ZNF385D: variants seen among roughly 807,000 people sequenced by gnomAD.
The protein encoded by ZNF385D is zinc finger protein 385D, also known as zinc finger protein 659.
In ZNF385D, 15 loss-of-function variants were observed where a neutral mutation model predicts 35.8. The ratio of observed to expected loss-of-function variants is 0.42; its 90% confidence interval spans 0.28 to 0.64. The LOEUF is 0.64. Ranked by LOEUF, ZNF385D falls within the 30% of genes least tolerant of loss-of-function variation. The pLI, the probability that ZNF385D is intolerant of heterozygous loss-of-function variation, is 0.23. For missense variants in ZNF385D, 474 were observed against 494.6 expected, an observed-to-expected ratio of 0.96 and a Z score of 0.39; for synonymous variants, 212 against 186.8, an observed-to-expected ratio of 1.13 and a Z score of -1.10.
At chr3:21,916,713 G>C (rs1467819548) in intron 3 of ZNF385D, among the ~76,000 whole-genome samples, 1 of 152,090 alleles carries the variant, frequency 6.6e-6, no homozygotes, top group African/African-American at 2.4e-5. Context: ...TTTGGAAAAG[G>C]TCTGCCACAA....
At chr3:21,730,636 T>C (rs1187380440) in intron 1 of ZNF385D, among the ~76,000 whole-genome samples, 1 of 152,214 alleles carries the variant, frequency 6.6e-6, no homozygotes, top group Non-Finnish European at 1.5e-5. Context: ...CTGCACAAAA[T>C]GATGTAAAAG....
intron 2 of ZNF385D, among the ~76,000 whole-genome samples, chr3:22,367,481 G>C (rs569669706): frequency 3.9e-5 from 6 of 152,168 alleles, no homozygotes; most frequent in African/African-American, 1.2e-4. Context: ...CTGATAACTC[G>C]GTCCAGTACA....
chr3:21,694,268 C>CTCA (rs1253000134), intron 1 of ZNF385D, among the ~76,000 whole-genome samples: 1 of 151,906 alleles, frequency 6.6e-6, no homozygotes, highest in Non-Finnish European at 1.5e-5. Flanking sequence ...TGGTCTTGAC[C>CTCA]TCATGATCCA....
At chr3:21,880,405 G>T (rs779032) in intron 3 of ZNF385D, among the ~76,000 whole-genome samples, 3 of 151,822 alleles carry the variant, frequency 2.0e-5, no homozygotes, top group Non-Finnish European at 2.9e-5. Flanking sequence ...TTCTTTCACT[G>T]TATCTGTCAT....
chr3:22,186,797 C>T (rs1430728792), intron 2 of ZNF385D, among the ~76,000 whole-genome samples: 7 of 151,846 alleles, frequency 4.6e-5, no homozygotes, highest in Non-Finnish European at 8.8e-5. Flanking sequence ...GCACCAATAC[C>T]GTATTTGAGA....
chr3:22,144,071 A>G (rs954484128), intron 3 of ZNF385D, among the ~76,000 whole-genome samples: 1 of 152,182 alleles, frequency 6.6e-6, no homozygotes, highest in African/African-American at 2.4e-5. Context: ...GGATATTTGT[A>G]TAATGTTTTA....
intron 3 of ZNF385D, among the ~76,000 whole-genome samples, chr3:21,891,865 G>C (rs1171322078): frequency 6.6e-6 from 1 of 152,020 alleles, no homozygotes; most frequent in Non-Finnish European, 1.5e-5. Context: ...ATAATCCATA[G>C]GATTTTCTGT....
At chr3:22,050,799 C>A (rs1409679975) in intron 3 of ZNF385D, among the ~76,000 whole-genome samples, 3 of 152,112 alleles carry the variant, frequency 2.0e-5, no homozygotes, top group Admixed American at 6.6e-5. Context: ...ACTAAACAAT[C>A]AAAAATAACG....
At chr3:21,923,712 T>C (rs776995333) in intron 3 of ZNF385D, among the ~76,000 whole-genome samples, 3 of 152,124 alleles carry the variant, frequency 2.0e-5, no homozygotes, top group Non-Finnish European at 2.9e-5. Flanking sequence ...TGCAGCAACA[T>C]GGATGCAGTT....
At chr3:21,775,870 CTCT>C (rs1488006832) in intron 3 of ZNF385D, among the ~76,000 whole-genome samples, 2 of 151,410 alleles carry the variant, frequency 1.3e-5, no homozygotes, top group African/African-American at 2.4e-5. Flanking sequence ...TTAAGACATG[CTCT>C]TTTTTAAATA....
chr3:21,475,928 A>T (rs113244980), intron 4 of ZNF385D, among the ~76,000 whole-genome samples: 1 of 150,446 alleles, frequency 6.6e-6, no homozygotes, highest in Non-Finnish European at 1.5e-5. Context: ...CATCCTTTAG[A>T]TATAGCTTTT....
intron 2 of ZNF385D, among the ~76,000 whole-genome samples, chr3:22,321,016 C>T (rs1694389682): frequency 6.6e-6 from 1 of 151,726 alleles, no homozygotes; most frequent in Admixed American, 6.6e-5. Context: ...CATAATAAAT[C>T]CTGTTATATG....
chr3:22,108,856 T>C (rs1702363101), intron 3 of ZNF385D, among the ~76,000 whole-genome samples: 1 of 151,916 alleles, frequency 6.6e-6, no homozygotes, highest in African/African-American at 2.4e-5. Context: ...CTACTAAAAA[T>C]ACAAAATTAG....
At chr3:21,642,878 A>T (rs2065647410) in intron 2 of ZNF385D, among the ~76,000 whole-genome samples, 1 of 152,146 alleles carries the variant, frequency 6.6e-6, no homozygotes, top group Non-Finnish European at 1.5e-5. Flanking sequence ...TTTATACCTC[A>T]TACCTACAGT....
chr3:22,243,882 G>A (rs1644466564), intron 2 of ZNF385D, among the ~76,000 whole-genome samples: 1 of 150,758 alleles, frequency 6.6e-6, no homozygotes, highest in Admixed American at 6.6e-5. Context: ...TTGACAGCTG[G>A]AAATATGGCC....
chr3:21,789,405 T>C (rs1415783591), intron 3 of ZNF385D, among the ~76,000 whole-genome samples: 1 of 152,082 alleles, frequency 6.6e-6, no homozygotes, highest in Admixed American at 6.6e-5. Context: ...AGTGGGGAGA[T>C]CTAGGGCAGA....
intron 1 of ZNF385D, among the ~76,000 whole-genome samples, chr3:21,673,444 TG>T (rs994397168): frequency 2.0e-5 from 3 of 152,114 alleles, no homozygotes; most frequent in Non-Finnish European, 2.9e-5. Context: ...ATAAGATGCT[TG>T]ATACAGTCTG....
intron 2 of ZNF385D, among the ~76,000 whole-genome samples, chr3:21,608,429 G>A (rs754657807): frequency 2.6e-5 from 4 of 152,184 alleles, no homozygotes; most frequent in Non-Finnish European, 4.4e-5. Context: ...AGAATTTGCA[G>A]ATGGCAGTTA....
intron 3 of ZNF385D, among the ~76,000 whole-genome samples, chr3:21,891,386 A>G (rs980984487): frequency 2.6e-5 from 4 of 152,198 alleles, no homozygotes; most frequent in Non-Finnish European, 2.9e-5. Flanking sequence ...ATGCGTGACT[A>G]GTTCAAATGT....
Sources: allele counts gnomAD v4.1 joint callset (sites outside exome capture counted in the v4.1 genomes callset), GRCh38; gene constraint gnomAD v4.1.1; transcripts MANE v1.5; gene names NCBI Gene and HGNC (gene_info 2026-07-23, HGNC 2026-07-21).